The following WDR90 variants were observed in gnomAD, a reference collection of about 807,000 sequenced individuals.
WDR90 encodes the protein WD repeat domain 90.
In WDR90, 238 loss-of-function variants were observed where a neutral mutation model predicts 195.2. That is an observed-to-expected ratio of 1.22 (90% CI 1.10 to 1.36). The LOEUF is 1.36. WDR90 is among the 40% of genes most tolerant of loss of function. The pLI is 0.00. For synonymous variants in WDR90, 1,265 were observed against 1,052.4 expected (o/e 1.20, Z -3.91); for missense variants, 2,734 against 2,439.5 (o/e 1.12, Z -2.54).
In WDR90 at chr16:655,152, T is replaced by C. The variant is rs779562229; in HGVS notation, c.1556+5T>C. The C allele has an allele frequency of 1.9e-6, 3 of 1,612,408 alleles. No homozygotes were observed. Among genetic ancestry groups the C allele is most frequent in the Non-Finnish European group, 2.5e-6 (3 of 1,179,692 alleles). On this transcript the variant is annotated splice_donor_5th_base_variant and intron_variant, in intron 14 of 40. Coordinates refer to ENST00000293879, the MANE Select transcript of WDR90 (RefSeq NM_145294.5). ...CACCTTTTTTGATGAAACCAGGTGA[T>C]GCAGCCGCCCATCCACGATGTTGGG...
chr16:650,317 T>C lies in WDR90; in HGVS notation c.343T>C (p.Trp115Arg), dbSNP rs773403250. ...CAAGGAGTTTAAGTCTACGGCCACG[T>C]GGCTCCAGTTTCCCTTGGTCCTGGA... is the stretch of plus-strand genomic sequence containing the variant. ...LFKEFKSTAT[W>R]LQFPLVLEAR... Residue 115 changes from tryptophan to arginine, a missense_variant, in exon 4 of 41, where the codon TGG becomes CGG. Coordinates refer to ENST00000293879, the MANE Select transcript of WDR90 (RefSeq NM_145294.5). 1.2e-5 allele frequency: 19 copies of C among 1,612,974 alleles called. No homozygotes were observed. The highest frequency in any genetic ancestry group is 1.4e-5 in the Non-Finnish European group (16 of 1,179,978).
Position 661,340 on chromosome 16 carries a change from A to C in WDR90, c.3514-2A>C, listed in dbSNP as rs372278840. 75 of 1,593,058 alleles carry C rather than the reference A, an allele frequency of 4.7e-5. 1 individual carries two copies. The African/African-American group carries it at 9.1e-4, about 19-fold the overall frequency. On this transcript the variant is annotated splice_acceptor_variant, in intron 29 of 40. Coordinates refer to ENST00000293879, the MANE Select transcript of WDR90 (RefSeq NM_145294.5). LOFTEE classifies it high-confidence loss of function. Reference sequence around the variant, plus strand: ...ACTCACGCCTGGCCTCTTGCCTGCCAGGTCCTGGCCTCTGCCTCGGGCCGA... The same window carrying C: ...ACTCACGCCTGGCCTCTTGCCTGCCCGGTCCTGGCCTCTGCCTCGGGCCGA...
Position 667,651 on chromosome 16 carries a change from G to A in WDR90, c.*62G>A, listed in dbSNP as rs778810290. 2.1e-5 allele frequency: 34 copies of A among 1,592,762 alleles called. No individual in the cohort carries two copies. The African/African-American group carries it at 3.7e-4, about 18-fold the overall frequency. ...GGTCATGCCAGGCACCTGGACACAG[G>A]CTTGGCAGAGGCGCCAGGTTGTCAA... On this transcript the variant is annotated 3_prime_UTR_variant, in exon 41 of 41. Coordinates refer to ENST00000293879, the MANE Select transcript of WDR90 (RefSeq NM_145294.5).
At position 649,392 on chromosome 16, in the gene WDR90, G is replaced by T. The variant is rs926244177; in HGVS notation, c.-25G>T. On this transcript the variant is annotated 5_prime_UTR_variant, in exon 1 of 41. In the 5' UTR this introduces an upstream ATG that the reference lacks. Coordinates refer to ENST00000293879, the MANE Select transcript of WDR90 (RefSeq NM_145294.5). Reference sequence around the variant, plus strand: ...TCTGCGCTGGGCGCGCGGAGGCCTAGGCGGGAAGCTCGAGCGGCGGCGCCA... The same window carrying T: ...TCTGCGCTGGGCGCGCGGAGGCCTATGCGGGAAGCTCGAGCGGCGGCGCCA... 1.5e-6 allele frequency: 2 copies of T among 1,324,868 alleles called. No individual in the cohort carries two copies. The highest frequency in any genetic ancestry group is 4.0e-5 in the South Asian group (2 of 50,110). The allele number at this position is 1,324,868 out of a possible 1,614,324, so 82.1% of individuals were successfully genotyped here.
intron 28 of WDR90, 36 bp from the exon 29 acceptor site, chr16:661,015 C>CCG (rs201097231): frequency 8.1e-5 from 39 of 479,004 alleles, no homozygotes; most frequent in Admixed American, 2.8e-4. Context: ...CCCCCCCCCC[C>CCG]GGCCCGGCCT....
chr16:665,288 ACG>A (rs2037999220), intron 34 of WDR90: 11 of 419,450 alleles, frequency 2.6e-5, no homozygotes, highest in African/African-American at 9.4e-5. Context: ...CCTGCTAGGG[ACG>A]CACGGCCACA....
intron 33 of WDR90, 140 bp downstream of exon 33, chr16:662,471 G>C (rs2037938048): frequency 1.6e-6 from 2 of 1,254,598 alleles, no homozygotes; most frequent in Non-Finnish European, 2.2e-6. Context: ...ACAGGCTTGG[G>C]TGTGGCCTGG....
Position 650,586 on chromosome 16 carries a change from C to T in WDR90, c.436C>T (p.Leu146Phe), listed in dbSNP as rs2037624666. The part of the protein sequence containing the change: ...PSGARWTCLQ[L>F]DLQDVLLVYL... ...CGGAGCCCGCTGGACCTGCCTGCAG[C>T]TCGATCTGCAGGACGTTCTCCTGGT... The change falls in exon 5 of 41, where the codon CTC becomes TTC. Residue 146 changes from leucine to phenylalanine, a missense_variant. Physicochemically the swap from Leu to Phe is conservative, Grantham distance 22 (BLOSUM62 0). Transcript: ENST00000293879. The T allele has an allele frequency of 6.2e-7, 1 of 1,612,554 alleles. No individual in the cohort carries two copies. The highest frequency in any genetic ancestry group is 2.2e-5 in the East Asian group (1 of 44,868).
intron 28 of WDR90, 50 bp downstream of exon 28, chr16:660,764 T>C: frequency 6.6e-7 from 1 of 1,515,742 alleles, no homozygotes; most frequent in Non-Finnish European, 8.9e-7. Context: ...CGGCCGCGCG[T>C]GGTCCAGCCG....
rs758263038 is a variant in WDR90, at chr16:662,799, G to A, written c.4266G>A (p.Trp1422Ter). The A allele has an allele frequency of 2.1e-5, 33 of 1,600,266 alleles. No homozygotes were observed. The highest frequency in any genetic ancestry group is 2.6e-5 in the Non-Finnish European group (30 of 1,174,344). Residue 1422 changes from tryptophan (W) to a stop codon, truncating the protein, a stop_gained, in exon 34 of 41, where the codon TGG (tryptophan) becomes TGA (stop). Coordinates refer to ENST00000293879, the MANE Select transcript of WDR90 (RefSeq NM_145294.5). LOFTEE classifies it high-confidence loss of function. ...TTAGTLWFVS[W>*]AEGTSTRLIS... The stretch of plus-strand genomic sequence containing the variant: ...CGGGCACGCTGTGGTTTGTCAGCTG[G>A]GCCGAGGGCACCAGCACACGTCTCA...
chr16:662,472 T>C (rs1451842476), intron 33 of WDR90, 141 bp downstream of exon 33: 9 of 1,253,466 alleles, frequency 7.2e-6, no homozygotes, highest in Non-Finnish European at 7.7e-6. Context: ...CAGGCTTGGG[T>C]GTGGCCTGGG....
Position 657,884 on chromosome 16 carries a change from C to A in WDR90, c.2596C>A (p.Leu866Ile). The A allele has an allele frequency of 6.3e-7, 1 of 1,578,872 alleles. No homozygotes were observed. Among genetic ancestry groups the A allele is most frequent in the South Asian group, 1.1e-5 (1 of 87,090 alleles). ...AGTGACAGTCATGGGCTCGGCCTCC[C>A]TTGATGAGGTGAGTCCGCAGCCCTC... ...CTVTVMGSASLDELLRVDIGT... is the reference protein window; with the variant it reads ...CTVTVMGSASIDELLRVDIGT... Residue 866 changes from leucine (L) to isoleucine (I), a missense_variant, in exon 21 of 41, where the codon CTT (leucine) becomes ATT (isoleucine). Coordinates refer to ENST00000293879, the MANE Select transcript of WDR90 (RefSeq NM_145294.5).
chr16:650,406 G>A (rs1288596040), intron 4 of WDR90, 44 bp downstream of exon 4: 5 of 1,597,508 alleles, frequency 3.1e-6, no homozygotes, highest in Middle Eastern at 1.7e-4. Flanking sequence ...CAGGTGGCTG[G>A]AGGGAGTTGG....
At chr16:649,726 G>T in intron 1 of WDR90, 37 bp from the exon 2 acceptor site, 1 of 1,538,580 alleles carries the variant, frequency 6.5e-7, no homozygotes, top group Non-Finnish European at 8.8e-7. Flanking sequence ...GGCTCGCGTG[G>T]CCGAGTCCCC....
Position 649,416 on chromosome 16 carries a change from C to T in WDR90, c.-1C>T, listed in dbSNP as rs1434320995. 3.8e-6 allele frequency: 5 copies of T among 1,312,624 alleles called. No homozygotes were observed. The highest frequency in any genetic ancestry group is 4.8e-6 in the Non-Finnish European group (5 of 1,034,200). 81.3% of individuals were successfully genotyped at this position (1,312,624 alleles called of 1,614,324 possible). On this transcript the variant is annotated 5_prime_UTR_variant, in exon 1 of 41. Coordinates refer to ENST00000293879, the MANE Select transcript of WDR90 (RefSeq NM_145294.5). ...AGGCGGGAAGCTCGAGCGGCGGCGC[C>T]ATGGCCCGAGGTAGCGCGCGGCTGG...
intron 17 of WDR90, 134 bp from the exon 18 acceptor site, chr16:656,168 A>G: frequency 2.2e-6 from 2 of 904,776 alleles, no homozygotes; most frequent in South Asian, 3.3e-5. Context: ...AGGGAGCTGC[A>G]TCTTGCAGCC....
chr16:665,779 T>A lies in WDR90; in HGVS notation c.4412T>A (p.Ile1471Asn). ...VWALASMELV[I>N]QFQVLNQSCL... ...GCCTTGGCCAGCATGGAGCTTGTGATCCAGTTCCAGGTGCTGAACCAGGTG... is the reference window on the plus strand; with the variant it reads ...GCCTTGGCCAGCATGGAGCTTGTGAACCAGTTCCAGGTGCTGAACCAGGTG... The change falls in exon 35 of 41, where the codon ATC (isoleucine) becomes AAC (asparagine). Residue 1471 changes from isoleucine (I) to asparagine (N), a missense_variant. Coordinates refer to ENST00000293879, the MANE Select transcript of WDR90 (RefSeq NM_145294.5). 6.3e-7 allele frequency: 1 copy of A among 1,579,518 alleles called. No individual in the cohort carries two copies. Among genetic ancestry groups the A allele is most frequent in the Non-Finnish European group, 8.6e-7 (1 of 1,160,292 alleles).
At position 653,538 on chromosome 16, in the gene WDR90, C is replaced by A; in HGVS notation, c.1247C>A (p.Ala416Glu). 6.2e-7 allele frequency: 1 copy of A among 1,613,344 alleles called. No homozygotes were observed. The highest frequency in any genetic ancestry group is 1.1e-5 in the South Asian group (1 of 91,082). Residue 416 changes from alanine (A) to glutamate (E), a missense_variant, in exon 12 of 41, where the codon GCG becomes GAG. By Grantham distance (107) the Ala-to-Glu change is moderately radical. Coordinates refer to ENST00000293879, the MANE Select transcript of WDR90 (RefSeq NM_145294.5). ...TCTGCCTCCTAGGTCTCCGCCCTGG[C>A]GCTGGATGGCAGCAGCTCACTATTG... ...LGHTDKVSAL[A>E]LDGSSSLLAS...
At position 659,138 on chromosome 16, in the gene WDR90, T is replaced by C. The variant is rs1376061100; in HGVS notation, c.3052+12T>C. On this transcript the variant is annotated intron_variant, in intron 25 of 40. Coordinates refer to ENST00000293879, the MANE Select transcript of WDR90 (RefSeq NM_145294.5). ...AGCCTGCAAGACAGGTGAGTGGCTG[T>C]GCTCAGCTGGGGTGCAGGTGCTGCG... 1 of 1,611,382 alleles carries C rather than the reference T, an allele frequency of 6.2e-7. No individual in the cohort carries two copies. Among genetic ancestry groups the C allele is most frequent in the East Asian group, 2.2e-5 (1 of 44,848 alleles).
Sources: allele counts gnomAD v4.1 joint callset, GRCh38; gene constraint gnomAD v4.1.1; transcripts MANE v1.5; gene names NCBI Gene and HGNC (gene_info 2026-07-23, HGNC 2026-07-21).